Variants in MEGF6 observed in about 807,000 individuals in gnomAD.
MEGF6 encodes multiple EGF like domains 6, also known as multiple epidermal growth factor-like domains protein 6.
Under a neutral mutation model 207.1 loss-of-function variants are expected in MEGF6, and 184 were observed. That is an observed-to-expected ratio of 0.89 (90% CI 0.79 to 1.00). The LOEUF (loss-of-function observed/expected upper bound fraction) is 1.00. Among genes scored for constraint, MEGF6 ranks in the 50% least tolerant of loss-of-function variants. The probability of loss-of-function intolerance (pLI) is 0.00; values close to 1 mark genes in which losing one functional copy is unlikely to be tolerated. For synonymous variants in MEGF6, 1,038 were observed against 910.0 expected, an observed-to-expected ratio of 1.14 and a Z score of -2.53; for missense variants, 2,282 against 2,202.9, an observed-to-expected ratio of 1.04 and a Z score of -0.72.
chr1:3,505,138 C>G lies in MEGF6; in HGVS notation c.2188+70G>C, dbSNP rs926926138. 55 of 1,570,998 alleles carry G rather than the reference C, an allele frequency of 3.5e-5. No homozygotes were observed. The Middle Eastern group carries it at 1.0e-3, about 29-fold the overall frequency. ...AGCTGTGCAGCCCTTCTGAAGCCTA[C>G]CCTCCAGCCAGGCAGGCAGCCTACA... is the stretch of plus-strand genomic sequence containing the variant. On this transcript the variant is annotated intron_variant, in intron 17 of 36. Transcript: ENST00000356575.
At chr1:3,561,764 C>T (rs1643208978) in intron 4 of MEGF6, among the ~76,000 whole-genome samples, 1 of 152,254 alleles carries the variant, frequency 6.6e-6, no homozygotes, top group African/African-American at 2.4e-5. Context: ...CCTGTCCTGC[C>T]AGGCCATCTG....
intron 4 of MEGF6, among the ~76,000 whole-genome samples, chr1:3,539,163 G>C (rs771583048): frequency 2.6e-5 from 4 of 152,144 alleles, no homozygotes; most frequent in Admixed American, 1.3e-4. Context: ...GGAAGAGATG[G>C]GGCGTGGTGG....
chr1:3,615,853 T>C (rs1644374017), upstream of MEGF6, among the ~76,000 whole-genome samples: 2 of 152,180 alleles, frequency 1.3e-5, no homozygotes, highest in South Asian at 4.1e-4. Flanking sequence ...CCACCACTCC[T>C]GGGTTACACG....
intron 4 of MEGF6, among the ~76,000 whole-genome samples, chr1:3,548,891 G>A (rs958672270): frequency 5.3e-5 from 8 of 152,144 alleles, no homozygotes; most frequent in African/African-American, 1.7e-4. Context: ...ACACCCACAG[G>A]AAAAGCCCCT....
chr1:3,522,523 C>A (rs987373641), intron 5 of MEGF6, among the ~76,000 whole-genome samples: 1 of 152,090 alleles, frequency 6.6e-6, no homozygotes, highest in East Asian at 1.9e-4. Flanking sequence ...GCAGACATCC[C>A]CAGGACGGCC....
intron 29 of MEGF6, 44 bp downstream of exon 29, chr1:3,496,611 G>T: frequency 6.4e-7 from 1 of 1,558,588 alleles, no homozygotes. Context: ...CTACCCTGGA[G>T]ACACAGGAGG....
chr1:3,511,740 A>G lies in MEGF6; in HGVS notation c.977-53T>C, dbSNP rs367601030. ...TGGGATGGCGGCTAGGATGACCCCCACCTACCTTAGTTACCCCTACCTCCA... is the reference window on the plus strand; with the variant it reads ...TGGGATGGCGGCTAGGATGACCCCCGCCTACCTTAGTTACCCCTACCTCCA... On this transcript the variant is annotated intron_variant, in intron 8 of 36. Transcript: ENST00000356575. 8 of 1,571,212 alleles carry G rather than the reference A, an allele frequency of 5.1e-6. No homozygotes were observed. In the African/African-American group the frequency reaches 5.4e-5, roughly 11 times the overall value.
At chr1:3,603,525 C>T (rs1644195213) in intron 1 of MEGF6, among the ~76,000 whole-genome samples, 2 of 152,136 alleles carry the variant, frequency 1.3e-5, no homozygotes, top group Admixed American at 1.3e-4. Flanking sequence ...TCCTGCTCTC[C>T]CAGCTCTGGA....
chr1:3,530,305 C>G (rs1252223149), intron 4 of MEGF6, among the ~76,000 whole-genome samples: 6 of 152,224 alleles, frequency 3.9e-5, no homozygotes, highest in Non-Finnish European at 1.5e-5. Context: ...GCACTCGAAA[C>G]AGCTAAGGAG....
intron 17 of MEGF6, among the ~76,000 whole-genome samples, chr1:3,504,937 C>T (rs1290049925): frequency 2.0e-5 from 3 of 152,180 alleles, no homozygotes; most frequent in Non-Finnish European, 4.4e-5. Flanking sequence ...TGGAGAGAAA[C>T]TGGCCCCTCC....
Position 3,497,066 on chromosome 1 carries a change from C to A in MEGF6, c.3535G>T (p.Gly1179Cys), listed in dbSNP as rs754179841. Residue 1179 changes from glycine to cysteine, a missense_variant, in exon 28 of 37, where the codon GGT (glycine) becomes TGT (cysteine). Transcript: ENST00000356575. ...EDCAQMCQCP[G>C]ENPACHPATG... Reference sequence around the variant, plus strand: ...GCAGGGTGGCAGGCCGGGTTCTCACCGGGACACTGGCACATCTGCGCACAG... The same window carrying A: ...GCAGGGTGGCAGGCCGGGTTCTCACAGGGACACTGGCACATCTGCGCACAG... 6.4e-7 allele frequency: 1 copy of A among 1,563,506 alleles called. No homozygotes were observed. The highest frequency in any genetic ancestry group is 1.4e-5 in the African/African-American group (1 of 73,598).
Position 3,501,810 on chromosome 1 carries a change from T to G in MEGF6, c.2300A>C (p.Glu767Ala), listed in dbSNP as rs1640881178. The change falls in exon 18 of 37, where the codon GAA (glutamate) becomes GCA (alanine). Residue 767 changes from glutamate (E) to alanine (A), a missense_variant. By Grantham distance (107) the Glu-to-Ala change is moderately radical. Transcript: ENST00000356575. Reference protein sequence around the residue: ...QCRCPPGRTGEDCEADCPEGR... With the variant: ...QCRCPPGRTGADCEADCPEGR... The stretch of plus-strand genomic sequence containing the variant: ...CTGACACTCACCTGCCTCACAGTCT[T>G]CCCCAGTCCTCCCCGGCGGACACCG... 2 of 1,609,338 alleles carry G rather than the reference T, an allele frequency of 1.2e-6. No individual in the cohort carries two copies. The highest frequency in any genetic ancestry group is 2.7e-5 in the African/African-American group (2 of 74,666).
chr1:3,602,289 G>A (rs563744618), intron 2 of MEGF6, among the ~76,000 whole-genome samples, 177 bp downstream of exon 2: 3 of 152,324 alleles, frequency 2.0e-5, no homozygotes, highest in Admixed American at 6.5e-5. Context: ...TAGCCCCATG[G>A]CAGACCCACC....
At chr1:3,540,979 T>C (rs1642497167) in intron 4 of MEGF6, among the ~76,000 whole-genome samples, 1 of 152,086 alleles carries the variant, frequency 6.6e-6, no homozygotes, top group Admixed American at 6.5e-5. Flanking sequence ...CTCTTCCACA[T>C]CCAGAGAAGC....
chr1:3,583,322 CCACAGCCACCAGACAACG>C (rs1643846511), intron 3 of MEGF6, among the ~76,000 whole-genome samples: 2 of 99,592 alleles, frequency 2.0e-5, no homozygotes, highest in Non-Finnish European at 1.9e-5. Flanking sequence ...ACCAGACAAC[CCACAGCCACCAGACAACG>C]CGCAGCCACC....
intron 5 of MEGF6, among the ~76,000 whole-genome samples, chr1:3,518,294 C>G (rs1317951311): frequency 6.6e-6 from 1 of 152,130 alleles, no homozygotes; most frequent in Non-Finnish European, 1.5e-5. Context: ...ACCCTAACTC[C>G]CCAGTTTGCC....
intron 5 of MEGF6, among the ~76,000 whole-genome samples, chr1:3,523,083 G>GC (rs1021801110): frequency 6.6e-6 from 1 of 151,980 alleles, no homozygotes; most frequent in South Asian, 2.1e-4. Context: ...CCGGGGGGGG[G>GC]GCCCCAGGGC....
intron 4 of MEGF6, among the ~76,000 whole-genome samples, chr1:3,550,263 G>A (rs1276920417): frequency 1.3e-5 from 2 of 152,216 alleles, no homozygotes; most frequent in Non-Finnish European, 2.9e-5. Flanking sequence ...CCATCAGAAA[G>A]GGGAGGCCAC....
intron 5 of MEGF6, among the ~76,000 whole-genome samples, chr1:3,519,872 G>A (rs1317101614): frequency 6.6e-6 from 1 of 152,224 alleles, no homozygotes; most frequent in Non-Finnish European, 1.5e-5. Flanking sequence ...GTCTGCCCCA[G>A]GGCACACAGC....
Sources: allele counts gnomAD v4.1 joint callset (sites outside exome capture counted in the v4.1 genomes callset), GRCh38; gene constraint gnomAD v4.1.1; transcripts MANE v1.5; gene names NCBI Gene and HGNC (gene_info 2026-07-23, HGNC 2026-07-21).